PPP2R2A: variants seen among roughly 807,000 people sequenced by gnomAD.
The protein encoded by PPP2R2A is protein phosphatase 2 regulatory subunit Balpha, also known as serine/threonine-protein phosphatase 2A 55 kDa regulatory subunit B alpha isoform.
Under a neutral mutation model 53.2 loss-of-function variants are expected in PPP2R2A, and 9 were observed. The observed-to-expected ratio is 0.17, with a 90% CI of 0.10 to 0.30. The LOEUF is 0.30. Ranked by LOEUF, PPP2R2A falls within the 10% of genes least tolerant of loss-of-function variation. PPP2R2A has a pLI of 1.00. For missense variants in PPP2R2A, 235 were observed against 534.6 expected, an observed-to-expected ratio of 0.44 and a Z score of 5.53; for synonymous variants, 169 against 174.2, an observed-to-expected ratio of 0.97 and a Z score of 0.23.
chr8:26,293,004 C>T (rs1585313383), intron 1 of PPP2R2A: 1 of 424,344 alleles, frequency 2.4e-6, no homozygotes, highest in East Asian at 3.5e-5. Flanking sequence ...TTGTTTTGCA[C>T]GAGATGACAT....
chr8:26,369,137 A>T (rs1050628279), intron 9 of PPP2R2A, among the ~76,000 whole-genome samples: 3 of 151,904 alleles, frequency 2.0e-5, no homozygotes, highest in Non-Finnish European at 2.9e-5. Flanking sequence ...ACACACACAC[A>T]CACACATTAT....
intron 3 of PPP2R2A, among the ~76,000 whole-genome samples, chr8:26,342,980 G>A (rs1447320391): frequency 6.6e-6 from 1 of 151,926 alleles, no homozygotes; most frequent in Non-Finnish European, 1.5e-5. Context: ...TCACTTGAGG[G>A]CAGGCTGGCC....
chr8:26,352,801 A>G (rs1435745067), intron 3 of PPP2R2A, among the ~76,000 whole-genome samples: 1 of 152,172 alleles, frequency 6.6e-6, no homozygotes, highest in Non-Finnish European at 1.5e-5. Flanking sequence ...TTCTTAACTC[A>G]TCAAATACAA....
chr8:26,304,319 T>G (rs748343532), intron 2 of PPP2R2A, among the ~76,000 whole-genome samples: 8 of 151,916 alleles, frequency 5.3e-5, no homozygotes, highest in Admixed American at 1.3e-4. Context: ...CTCTCATGGG[T>G]AAAAACATTA....
intron 2 of PPP2R2A, among the ~76,000 whole-genome samples, chr8:26,295,782 C>T (rs1405035942): frequency 2.0e-5 from 3 of 151,978 alleles, no homozygotes; most frequent in African/African-American, 7.3e-5. Flanking sequence ...AAAAATAATC[C>T]AGTTTTCAAA....
Position 26,372,331 on chromosome 8 carries a change from C to G in PPP2R2A, c.*1918C>G. 1 of 152,158 alleles carries G rather than the reference C, an allele frequency of 6.6e-6. No individual in the cohort carries two copies. The highest frequency in any genetic ancestry group is 1.5e-5 in the Non-Finnish European group (1 of 68,024). 9.4% of individuals were successfully genotyped at this position (152,158 alleles called of 1,614,324 possible). ...GCCACAAGTGTCAAACAGTGATATTCTTCCTGTGTTGTGACTGGACAGTTT... is the reference window on the plus strand; with the variant it reads ...GCCACAAGTGTCAAACAGTGATATTGTTCCTGTGTTGTGACTGGACAGTTT... On this transcript the variant is annotated 3_prime_UTR_variant, in exon 10 of 10. Coordinates refer to ENST00000380737, the MANE Select transcript of PPP2R2A (RefSeq NM_002717.4).
rs1805599129 is a variant in PPP2R2A, at chr8:26,370,126, T to C, written c.1065-8T>C. On this transcript the variant is annotated splice_region_variant and splice_polypyrimidine_tract_variant and intron_variant, in intron 9 of 9. Coordinates refer to ENST00000380737, the MANE Select transcript of PPP2R2A (RefSeq NM_002717.4). The surrounding 1 kb of genome is among the most constrained non-coding windows in gnomAD (Gnocchi z 6.1). ...TTGTTTGACTGAGTGTACTGTCTAT[T>C]TTCACAGTGTTGTCATGACTGGATC... is the stretch of plus-strand genomic sequence containing the variant. 6.2e-7 allele frequency: 1 copy of C among 1,611,668 alleles called. No individual in the cohort carries two copies. Among genetic ancestry groups the C allele is most frequent in the Admixed American group, 1.7e-5 (1 of 59,916 alleles).
intron 3 of PPP2R2A, among the ~76,000 whole-genome samples, chr8:26,347,017 T>C (rs551723429): frequency 6.6e-6 from 1 of 152,330 alleles, no homozygotes; most frequent in South Asian, 2.1e-4. Context: ...GAAGAGAAAC[T>C]AATATTTGAA....
chr8:26,321,166 G>A lies in PPP2R2A; in HGVS notation c.83-17724G>A, dbSNP rs529886357. Among the ~76,000 whole-genome samples, 100 of 152,326 alleles carry A rather than the reference G, an allele frequency of 6.6e-4. No individual in the cohort carries two copies. The highest frequency in any genetic ancestry group is 2.3e-3 in the African/African-American group (96 of 41,576). On this transcript the variant is annotated intron_variant, in intron 2 of 9. Transcript: ENST00000380737. The surrounding 1 kb of genome is among the most constrained non-coding windows in gnomAD (Gnocchi z 4.1). ...GTGTTCATTTCTGTGGTTGTGAAGC[G>A]CTAGTAGGAGTAAGTGACAGGACCT...
rs937272464 is a variant in PPP2R2A, at chr8:26,362,431, G to T, written c.638-253G>T. On this transcript the variant is annotated intron_variant, in intron 6 of 9. Coordinates refer to ENST00000380737, the MANE Select transcript of PPP2R2A (RefSeq NM_002717.4). This position sits in a 1 kb window ranked among gnomAD's most constrained non-coding sequence, Gnocchi z 4.4. Reference sequence around the variant, plus strand: ...GATGCAGTAGAATCGCTTGAACCTGGGAGTCGGAGGCTGCAGTGAGCCGAG... The same window carrying T: ...GATGCAGTAGAATCGCTTGAACCTGTGAGTCGGAGGCTGCAGTGAGCCGAG... Among the ~76,000 whole-genome samples, 1 of 152,006 alleles carries T rather than the reference G, an allele frequency of 6.6e-6. No individual in the cohort carries two copies. Among genetic ancestry groups the T allele is most frequent in the African/African-American group, 2.4e-5 (1 of 41,370 alleles).
chr8:26,323,885 T>C (rs1014657226), intron 2 of PPP2R2A, among the ~76,000 whole-genome samples: 50 of 152,326 alleles, frequency 3.3e-4, no homozygotes, highest in African/African-American at 1.2e-3. Flanking sequence ...TTCTGACTCC[T>C]CTACTCTCTT....
rs754291191 is a variant in PPP2R2A at position 26,363,779 on chromosome 8, T to C, written c.861T>C (p.Ser287=). The part of the protein sequence containing the change: ...NRSFFSEIIS[S]ISDVKFSHSG... The stretch of plus-strand genomic sequence containing the variant: ...CATTTTTTTCCGAAATCATCTCCTC[T>C]ATTTCGGATGTAAAATTCAGCCATA... The change falls in exon 8 of 10, where the codon TCT becomes TCC. Residue 287 remains serine (S), a synonymous_variant. Transcript: ENST00000380737. 9 of 1,607,934 alleles carry C rather than the reference T, an allele frequency of 5.6e-6. No individual in the cohort carries two copies. The South Asian group carries it at 1.0e-4, about 18-fold the overall frequency.
intron 2 of PPP2R2A, among the ~76,000 whole-genome samples, chr8:26,311,536 G>T (rs933887946): frequency 8.5e-5 from 13 of 152,214 alleles, no homozygotes; most frequent in South Asian, 6.2e-4. Flanking sequence ...GGGCACGGTG[G>T]TGCAAGCATG....
intron 9 of PPP2R2A, among the ~76,000 whole-genome samples, chr8:26,368,495 T>C (rs1403560543): frequency 6.6e-6 from 1 of 152,246 alleles, no homozygotes; most frequent in East Asian, 1.9e-4. Context: ...GGAAGTGTCT[T>C]GGGCAGTTTA....
intron 2 of PPP2R2A, among the ~76,000 whole-genome samples, chr8:26,305,352 C>A (rs1801970467): frequency 6.6e-6 from 1 of 152,056 alleles, no homozygotes; most frequent in South Asian, 2.1e-4. Flanking sequence ...TCTCGAGCTC[C>A]TAGTCTTTTT....
intron 4 of PPP2R2A, among the ~76,000 whole-genome samples, chr8:26,358,060 A>C (rs1804884105): frequency 6.6e-6 from 1 of 150,844 alleles, no homozygotes; most frequent in African/African-American, 2.4e-5. Flanking sequence ...ATACTGATTT[A>C]TTTCCTGCCT....
intron 2 of PPP2R2A, among the ~76,000 whole-genome samples, chr8:26,330,516 A>C (rs1002543252): frequency 3.3e-5 from 5 of 151,594 alleles, no homozygotes; most frequent in African/African-American, 1.2e-4. Flanking sequence ...TTTTTAGTAG[A>C]GACAGGGTTT....
intron 2 of PPP2R2A, among the ~76,000 whole-genome samples, chr8:26,332,098 G>T (rs929152152): frequency 6.6e-6 from 1 of 152,136 alleles, no homozygotes; most frequent in Non-Finnish European, 1.5e-5. Flanking sequence ...GCTCACGCCT[G>T]TAATCCCAAT....
intron 2 of PPP2R2A, among the ~76,000 whole-genome samples, chr8:26,308,895 CTG>C (rs1263371706): frequency 3.9e-5 from 6 of 152,198 alleles, no homozygotes; most frequent in African/African-American, 7.2e-5. Flanking sequence ...GATAGGGTCT[CTG>C]TTGCCCAGGC....
Sources: gnomAD v4.1 joint callset for allele counts (sites outside exome capture counted in the v4.1 genomes callset) on GRCh38, gnomAD v4.1.1 for gene constraint, Gnocchi (gnomAD v3.1) non-coding constraint, MANE v1.5 for transcripts, NCBI Gene and HGNC (gene_info 2026-07-23, HGNC 2026-07-21) for gene names.